RIN2: variants seen among roughly 807,000 people sequenced by gnomAD.
RIN2 encodes Ras and Rab interactor 2.
Under a neutral mutation model 78.0 loss-of-function variants are expected in RIN2, and 36 were observed. The ratio of observed to expected loss-of-function variants is 0.46; its 90% CI spans 0.35 to 0.61. RIN2 has a LOEUF of 0.61. RIN2 is among the 20% of genes least tolerant of loss of function. RIN2 has a pLI of 0.00. For missense variants in RIN2, 1,087 were observed against 1,159.7 expected, an observed-to-expected ratio of 0.94 and a Z score of 0.91; for synonymous variants, 466 against 466.8, an observed-to-expected ratio of 1.00 and a Z score of 0.02.
At chr20:19,764,946 CAG>C (rs1216413198) in intron 1 of RIN2, among the ~76,000 whole-genome samples, 8 of 12,138 alleles carry the variant, frequency 6.6e-4, no homozygotes, top group Non-Finnish European at 1.0e-3. Context: ...TTTTTTTTGA[CAG>C]AGTCTTGCTC....
At chr20:19,836,657 A>G (rs2036427579) in intron 2 of RIN2, among the ~76,000 whole-genome samples, 1 of 152,182 alleles carries the variant, frequency 6.6e-6, no homozygotes, top group Non-Finnish European at 1.5e-5. Flanking sequence ...TTAGGGTTAT[A>G]TAATTTTGAA....
chr20:19,906,698 A>G (rs2039233315), intron 3 of RIN2, among the ~76,000 whole-genome samples: 1 of 152,220 alleles, frequency 6.6e-6, no homozygotes, highest in South Asian at 2.1e-4. Flanking sequence ...CTAATTTTCA[A>G]GAAGCTGGAA....
chr20:19,806,740 T>C (rs533370369), intron 2 of RIN2, among the ~76,000 whole-genome samples: 3 of 152,146 alleles, frequency 2.0e-5, no homozygotes, highest in South Asian at 4.2e-4. Context: ...CTACAAAAGA[T>C]AACAAAAATT....
At chr20:19,842,466 T>C (rs1243688256) in intron 2 of RIN2, among the ~76,000 whole-genome samples, 1 of 138,230 alleles carries the variant, frequency 7.2e-6, no homozygotes, top group African/African-American at 2.7e-5. Flanking sequence ...GGTCTCGAAC[T>C]CTGGACCTCA....
chr20:19,952,953 A>C (rs1476165302), intron 4 of RIN2, among the ~76,000 whole-genome samples: 2 of 152,286 alleles, frequency 1.3e-5, no homozygotes, highest in South Asian at 2.1e-4. Flanking sequence ...CAGATTGGTC[A>C]CTGAGAGCTT....
chr20:19,972,067 A>G (rs921186329), intron 8 of RIN2, among the ~76,000 whole-genome samples: 16 of 152,096 alleles, frequency 1.1e-4, no homozygotes, highest in African/African-American at 3.9e-4. Context: ...TATCTGTAGA[A>G]GGATTGCCTT....
intron 4 of RIN2, among the ~76,000 whole-genome samples, chr20:19,940,145 C>G (rs1293254675): frequency 6.6e-6 from 1 of 152,196 alleles, no homozygotes; most frequent in Non-Finnish European, 1.5e-5. Context: ...TGCCACCACA[C>G]CTGGCCTATC....
At chr20:19,916,534 G>A (rs187794756) in intron 3 of RIN2, among the ~76,000 whole-genome samples, 20 of 152,318 alleles carry the variant, frequency 1.3e-4, no homozygotes, top group Admixed American at 3.3e-4. Context: ...TGAGAGGATC[G>A]CTTTAGCCTG....
intron 3 of RIN2, among the ~76,000 whole-genome samples, chr20:19,893,471 A>T (rs2038576341): frequency 6.6e-6 from 1 of 152,250 alleles, no homozygotes; most frequent in Middle Eastern, 3.4e-3. Flanking sequence ...CTCCCCATCC[A>T]GTTTGTGTTT....
At chr20:19,764,918 G>GTTTTTTTTTTTTTTTTTTTTTTTT (rs10605325) in intron 1 of RIN2, among the ~76,000 whole-genome samples, 3 of 50,390 alleles carry the variant, frequency 6.0e-5, no homozygotes, top group African/African-American at 1.3e-4. Flanking sequence ...CACTTTCTGC[G>GTTTTTTTTTTTTTTTTTTTTTTTT]TTTTTTTTTT....
intron 2 of RIN2, among the ~76,000 whole-genome samples, chr20:19,870,343 C>A (rs1193253614): frequency 6.6e-6 from 1 of 152,084 alleles, no homozygotes; most frequent in Non-Finnish European, 1.5e-5. Context: ...CCTCTTTAAT[C>A]TTTTTTAAGA....
chr20:19,934,387 A>G, intron 3 of RIN2: 1 of 683,882 alleles, frequency 1.5e-6, no homozygotes, highest in Non-Finnish European at 1.8e-6. Flanking sequence ...AGTGAATAGG[A>G]GGGTGAAAGA....
intron 2 of RIN2, among the ~76,000 whole-genome samples, chr20:19,874,964 G>A (rs1031771817): frequency 1.6e-4 from 24 of 151,314 alleles, no homozygotes; most frequent in Non-Finnish European, 2.4e-4. Context: ...GGGTTCAAGC[G>A]ATTCTCATGC....
At chr20:19,911,545 A>G (rs985195642) in intron 3 of RIN2, among the ~76,000 whole-genome samples, 1 of 152,222 alleles carries the variant, frequency 6.6e-6, no homozygotes, top group Admixed American at 6.5e-5. Context: ...AAAAGACACA[A>G]GCCAAAAAGC....
intron 4 of RIN2, among the ~76,000 whole-genome samples, chr20:19,940,679 G>A (rs2040832913): frequency 6.6e-6 from 1 of 152,194 alleles, no homozygotes; most frequent in Non-Finnish European, 1.5e-5. Context: ...GCAAAGACTG[G>A]AGAGTATGGG....
intron 12 of RIN2, 78 bp from the exon 13 acceptor site, chr20:20,000,535 C>A: frequency 8.5e-7 from 1 of 1,175,994 alleles, no homozygotes; most frequent in Non-Finnish European, 1.2e-6. Flanking sequence ...TTACAGTTAC[C>A]CCCTCCCCTG....
chr20:19,824,074 C>T (rs997701162), intron 2 of RIN2: 2 of 618,798 alleles, frequency 3.2e-6, no homozygotes, highest in Non-Finnish European at 5.7e-6. Context: ...GACTGGTATG[C>T]ACATGTGCTG....
intron 3 of RIN2, among the ~76,000 whole-genome samples, chr20:19,921,149 C>T (rs962869528): frequency 2.0e-5 from 3 of 152,170 alleles, no homozygotes; most frequent in Non-Finnish European, 2.9e-5. Flanking sequence ...GTGGAGCCCA[C>T]TTTGATCTCT....
intron 2 of RIN2, among the ~76,000 whole-genome samples, chr20:19,812,675 A>ACC (rs567135766): frequency 6.6e-6 from 1 of 151,706 alleles, no homozygotes; most frequent in Non-Finnish European, 1.5e-5. Flanking sequence ...ACACTGCAGC[A>ACC]CCCCCCCATT....
Sources: allele counts gnomAD v4.1 joint callset (sites outside exome capture counted in the v4.1 genomes callset), GRCh38; gene constraint gnomAD v4.1.1; transcripts MANE v1.5; gene names NCBI Gene and HGNC (gene_info 2026-07-23, HGNC 2026-07-21).